The following ZDHHC21 variants were observed in gnomAD, a reference collection of about 807,000 sequenced individuals.
ZDHHC21 encodes palmitoyltransferase ZDHHC21.
A neutral mutation model predicts 34.6 loss-of-function variants in ZDHHC21; 15 were observed. That is an observed-to-expected ratio of 0.43 (90% CI 0.29 to 0.67). The LOEUF is 0.67. Ranked by LOEUF, ZDHHC21 falls within the 30% of genes least tolerant of loss-of-function variation. The pLI is 0.14. For synonymous variants in ZDHHC21, 142 were observed against 101.8 expected (o/e 1.40, Z -2.38); for missense variants, 344 against 327.7 (o/e 1.05, Z -0.38).
Position 14,672,857 on chromosome 9 carries a change from G to A in ZDHHC21, c.226C>T (p.Pro76Ser), listed in dbSNP as rs756573791. ...RASITDPGRL[P>S]ENPKIPHGER... ...CCATGTGGGATCTTGGGGTTCTCAG[G>A]GAGTCTTCCTGGATCAGTTATGGAG... Residue 76 changes from proline to serine, a missense_variant, in exon 5 of 10, where the codon CCT becomes TCT. Coordinates refer to ENST00000380916, the MANE Select transcript of ZDHHC21 (RefSeq NM_178566.6). 1.2e-6 allele frequency: 2 copies of A among 1,608,202 alleles called. No homozygotes were observed. The highest frequency in any genetic ancestry group is 2.2e-5 in the South Asian group (2 of 90,120).
At chr9:14,624,063 C>A (rs946967207) in intron 8 of ZDHHC21, among the ~76,000 whole-genome samples, 11 of 152,072 alleles carry the variant, frequency 7.2e-5, no homozygotes, top group African/African-American at 2.7e-4. Context: ...GTGATTCAAT[C>A]AACCATGGAT....
chr9:14,632,992 A>T (rs973455076), intron 8 of ZDHHC21, among the ~76,000 whole-genome samples: 7 of 152,220 alleles, frequency 4.6e-5, no homozygotes, highest in African/African-American at 1.7e-4. Flanking sequence ...CAGCAACTTT[A>T]GAAAAACAGT....
At chr9:14,589,968 T>C in the ZDHHC21 span, 1 of 152,166 alleles carries the variant, frequency 6.6e-6, no homozygotes, top group South Asian at 2.1e-4. Context: ...GGAAGAAAGT[T>C]AGTCAATAAA....
chr9:14,654,564 C>T (rs1338370237), intron 7 of ZDHHC21, among the ~76,000 whole-genome samples: 1 of 151,814 alleles, frequency 6.6e-6, no homozygotes, highest in East Asian at 1.9e-4. Context: ...ACAAGGGGAT[C>T]TCAAAGTTAA....
At chr9:14,631,583 C>G (rs1273508552) in intron 8 of ZDHHC21, among the ~76,000 whole-genome samples, 1 of 152,198 alleles carries the variant, frequency 6.6e-6, no homozygotes, top group Non-Finnish European at 1.5e-5. Flanking sequence ...TAGTTTTCGG[C>G]CTGTCTCAGC....
chr9:14,627,452 T>C (rs551570077), intron 8 of ZDHHC21, among the ~76,000 whole-genome samples: 16 of 152,240 alleles, frequency 1.1e-4, no homozygotes, highest in African/African-American at 3.8e-4. Flanking sequence ...AATCCAACAA[T>C]AGCACCTGTG....
chr9:14,640,968 C>A lies in ZDHHC21; in HGVS notation c.505-956G>T, dbSNP rs1048566501. Among the ~76,000 whole-genome samples, 4 of 152,162 alleles carry A rather than the reference C, an allele frequency of 2.6e-5. No homozygotes were observed. In the East Asian group the frequency reaches 7.7e-4, roughly 29 times the overall value. ...AAGAACTAAGACTTCTCCTGGAAAT[C>A]TGCTGTTGCTAAGCTGTGGAATAAA... On this transcript the variant is annotated intron_variant, in intron 7 of 9. Transcript: ENST00000380916.
Position 14,623,765 on chromosome 9 carries a change from C to T in ZDHHC21, c.622-4083G>A, listed in dbSNP as rs145658915. Reference sequence around the variant, plus strand: ...TCAACACCACTAGCCATCAGAGAAACGTAAATCAAAAACCACAATGGGAAA... The same window carrying T: ...TCAACACCACTAGCCATCAGAGAAATGTAAATCAAAAACCACAATGGGAAA... On this transcript the variant is annotated intron_variant, in intron 8 of 9. Transcript: ENST00000380916. 2.6e-4 allele frequency among the ~76,000 whole-genome samples: 39 copies of T among 151,738 alleles called. No individual in the cohort carries two copies. In the East Asian group the frequency reaches 6.4e-3, roughly 25 times the overall value.
the ZDHHC21 span, among the ~76,000 whole-genome samples, chr9:14,603,087 T>G: frequency 6.6e-6 from 1 of 151,736 alleles, no homozygotes; most frequent in African/African-American, 2.4e-5. Context: ...ACTTTTTGGG[T>G]GATTGAATAT....
intron 7 of ZDHHC21, among the ~76,000 whole-genome samples, chr9:14,657,987 A>G (rs17287927): frequency 6.6e-6 from 1 of 152,146 alleles, no homozygotes; most frequent in Admixed American, 6.6e-5. Flanking sequence ...TAGTCCTAGC[A>G]TGCATTATAT....
At chr9:14,627,640 G>A (rs370217427) in intron 8 of ZDHHC21, among the ~76,000 whole-genome samples, 1 of 152,084 alleles carries the variant, frequency 6.6e-6, no homozygotes, top group Non-Finnish European at 1.5e-5. Flanking sequence ...AAACAAAAAT[G>A]CTTGTATATA....
rs1434451184 is a variant in ZDHHC21, at chr9:14,662,199, A to G, written c.365+16T>C. ...ACCCACCCCTCTTTTCTTTGCTAGA[A>G]GTGAATTATTCTTACCATGGACAGT... is the stretch of plus-strand genomic sequence containing the variant. On this transcript the variant is annotated intron_variant, in intron 6 of 9. Coordinates refer to ENST00000380916, the MANE Select transcript of ZDHHC21 (RefSeq NM_178566.6). 3 of 1,564,096 alleles carry G rather than the reference A, an allele frequency of 1.9e-6. No homozygotes were observed. The highest frequency in any genetic ancestry group is 2.3e-5 in the East Asian group (1 of 44,314).
intron 8 of ZDHHC21, among the ~76,000 whole-genome samples, chr9:14,627,641 C>T (rs1414642262): frequency 6.6e-6 from 1 of 152,072 alleles, no homozygotes; most frequent in Non-Finnish European, 1.5e-5. Context: ...AACAAAAATG[C>T]TTGTATATAA....
the ZDHHC21 span, among the ~76,000 whole-genome samples, chr9:14,600,491 G>A: frequency 3.3e-5 from 5 of 152,136 alleles, no homozygotes; most frequent in Non-Finnish European, 2.9e-5. Flanking sequence ...CACTGCTCAA[G>A]GAAATCAGAG....
At chr9:14,642,602 TAAG>T (rs1398606994) in intron 7 of ZDHHC21, among the ~76,000 whole-genome samples, 1 of 152,130 alleles carries the variant, frequency 6.6e-6, no homozygotes, top group Non-Finnish European at 1.5e-5. Flanking sequence ...GGTTCCCTTA[TAAG>T]AAGAGGAAAT....
chr9:14,634,186 T>C (rs1477609951), intron 8 of ZDHHC21, among the ~76,000 whole-genome samples: 1 of 152,232 alleles, frequency 6.6e-6, no homozygotes, highest in African/African-American at 2.4e-5. Context: ...CACCCACACA[T>C]GCCACCTGCA....
rs561103355 is a variant in ZDHHC21, at chr9:14,633,935, A to G, written c.621+5961T>C. Among the ~76,000 whole-genome samples the G allele has an allele frequency of 1.1e-3, 173 of 152,122 alleles. 1 individual carries two copies. Among genetic ancestry groups the G allele is most frequent in the African/African-American group, 3.8e-3 (156 of 41,516 alleles). On this transcript the variant is annotated intron_variant, in intron 8 of 9. Transcript: ENST00000380916. ...TTGCCTTGGGCCTGGAGATCACCCCACCAATGCCTACCACAGCCACTGGGT... is the reference window on the plus strand; with the variant it reads ...TTGCCTTGGGCCTGGAGATCACCCCGCCAATGCCTACCACAGCCACTGGGT...
Position 14,615,403 on chromosome 9 carries a change from A to G in ZDHHC21, c.*3563T>C, listed in dbSNP as rs968772475. 7.9e-5 allele frequency: 12 copies of G among 151,868 alleles called. No individual in the cohort carries two copies. The highest frequency in any genetic ancestry group is 2.9e-4 in the African/African-American group (12 of 41,540). 9.4% of individuals were successfully genotyped at this position (151,868 alleles called of 1,614,324 possible). A position where few individuals can be genotyped will look rare whatever the true frequency, so the allele number is the denominator to read the frequency against. ...TTTTAACTCAGCTGTTATACTGAACATTACGTATTATGTTCTCTATTTCAT... is the reference window on the plus strand; with the variant it reads ...TTTTAACTCAGCTGTTATACTGAACGTTACGTATTATGTTCTCTATTTCAT... On this transcript the variant is annotated 3_prime_UTR_variant, in exon 10 of 10. Transcript: ENST00000380916.
chr9:14,687,422 G>C, intron 2 of ZDHHC21, among the ~76,000 whole-genome samples: 1 of 150,820 alleles, frequency 6.6e-6, no homozygotes, highest in Non-Finnish European at 1.5e-5. Flanking sequence ...TGTAATCCCA[G>C]CACTTTAGGA....
Sources: allele counts gnomAD v4.1 joint callset (sites outside exome capture counted in the v4.1 genomes callset), GRCh38; gene constraint gnomAD v4.1.1; transcripts MANE v1.5; gene names NCBI Gene and HGNC (gene_info 2026-07-23, HGNC 2026-07-21).